Variants in SART1 observed in about 807,000 individuals in gnomAD.
The protein encoded by SART1 is spliceosome associated factor 1, recruiter of U4/U6.U5 tri-snRNP.
SART1 carries 28 observed loss-of-function variants against 105.0 expected under a neutral mutation model. That is an observed-to-expected ratio of 0.27 (90% confidence interval 0.20 to 0.37). SART1 has a LOEUF of 0.37. SART1 is among the 10% of genes least tolerant of loss of function. The pLI is 1.00. For synonymous variants in SART1, 472 were observed against 462.9 expected (o/e 1.02, Z -0.25); for missense variants, 894 against 1,106.5 (o/e 0.81, Z 2.72).
intron 1 of SART1, among the ~76,000 whole-genome samples, chr11:65,963,318 C>A (rs1360923663): frequency 1.3e-5 from 2 of 151,904 alleles, no homozygotes; most frequent in East Asian, 3.9e-4. Context: ...TCAAGCAAAA[C>A]CAGAACCGAA....
Position 65,979,172 on chromosome 11 carries a change from A to G in SART1, c.*142A>G. 9.4e-7 allele frequency: 1 copy of G among 1,060,596 alleles called. No homozygotes were observed. Among genetic ancestry groups the G allele is most frequent in the Non-Finnish European group, 1.4e-6 (1 of 714,970 alleles). 65.7% of individuals were successfully genotyped at this position (1,060,596 alleles called of 1,614,324 possible). A position where few individuals can be genotyped will look rare whatever the true frequency, so the allele number is the denominator to read the frequency against. ...CACAGAGTCTGGCTCCTGCTAGGTG[A>G]GACCTGGCCATCAAATGACACAAAC... On this transcript the variant is annotated 3_prime_UTR_variant, in exon 20 of 20. Coordinates refer to ENST00000312397, the MANE Select transcript of SART1 (RefSeq NM_005146.5).
chr11:65,978,588 C>T lies in SART1; in HGVS notation c.2173-12C>T. ...AGGGCCCTGCATCTCCTCTCATGCC[C>T]CGCGTCCCCAGGCTTTCCGGCAGCT... On this transcript the variant is annotated splice_polypyrimidine_tract_variant and intron_variant, in intron 17 of 19. Transcript: ENST00000312397. The surrounding 1 kb of genome is among the most constrained non-coding windows in gnomAD (Gnocchi z 6.8). 6.4e-7 allele frequency: 1 copy of T among 1,554,002 alleles called. No homozygotes were observed. Among genetic ancestry groups the T allele is most frequent in the Non-Finnish European group, 8.7e-7 (1 of 1,148,662 alleles).
intron 12 of SART1, among the ~76,000 whole-genome samples, chr11:65,973,058 C>T (rs1003261045): frequency 2.6e-5 from 4 of 151,946 alleles, no homozygotes; most frequent in Admixed American, 2.0e-4. Context: ...CCTGTAGTCC[C>T]AGCTACTAGG....
chr11:65,978,051 G>A lies in SART1; in HGVS notation c.2172+152G>A. On this transcript the variant is annotated intron_variant, in intron 17 of 19. Coordinates refer to ENST00000312397, the MANE Select transcript of SART1 (RefSeq NM_005146.5). This position sits in a 1 kb window ranked among gnomAD's most constrained non-coding sequence, Gnocchi z 6.8. ...GGTGAATGCCACGGATGGGGAGGGG[G>A]CCCTCAGGGCTGAGGAAGGCTGTGC... The A allele has an allele frequency of 1.3e-6, 1 of 775,586 alleles. No individual in the cohort carries two copies. 48.0% of individuals were successfully genotyped at this position (775,586 alleles called of 1,614,324 possible). A position where few individuals can be genotyped will look rare whatever the true frequency, so the allele number is the denominator to read the frequency against.
At chr11:65,963,137 G>A (rs1352053435) in intron 1 of SART1, among the ~76,000 whole-genome samples, 1 of 152,074 alleles carries the variant, frequency 6.6e-6, no homozygotes, top group Admixed American at 6.6e-5. Context: ...AGGGGGTCAG[G>A]ACTAGAACCT....
chr11:65,978,417 G>A lies in SART1; in HGVS notation c.2173-183G>A, dbSNP rs140955513. ...CATCCACTAGCCAAGCTGGTCTCCC[G>A]GCCTCTGCTGGGGCCCTGCAGGGTG... On this transcript the variant is annotated intron_variant, in intron 17 of 19. Transcript: ENST00000312397. This position sits in a 1 kb window ranked among gnomAD's most constrained non-coding sequence, Gnocchi z 6.8. 2.7e-3 allele frequency: 1,686 copies of A among 619,206 alleles called. 11 individuals are homozygous for A. The highest frequency in any genetic ancestry group is 0.021 in the African/African-American group (1,158 of 54,538). 38.4% of individuals were successfully genotyped at this position (619,206 alleles called of 1,614,324 possible).
Position 65,965,354 on chromosome 11 carries a change from C to T in SART1, c.567C>T (p.Thr189=). The T allele has an allele frequency of 1.9e-6, 3 of 1,591,728 alleles. No individual in the cohort carries two copies. The highest frequency in any genetic ancestry group is 1.8e-5 in the Admixed American group (1 of 56,454). ...TTCCCCTCTTCAGGAAGATAAAGACCCTAGGAGAGGATGACCCCTGGCTGG... is the reference window on the plus strand; with the variant it reads ...TTCCCCTCTTCAGGAAGATAAAGACTCTAGGAGAGGATGACCCCTGGCTGG... ...LLNQKLGKIK[T]LGEDDPWLDD... Residue 189 remains threonine (T), a synonymous_variant, in exon 5 of 20, where the codon ACC becomes ACT. Coordinates refer to ENST00000312397, the MANE Select transcript of SART1 (RefSeq NM_005146.5).
At position 65,978,253 on chromosome 11, in the gene SART1, C is replaced by G; in HGVS notation, c.2173-347C>G. On this transcript the variant is annotated intron_variant, in intron 17 of 19. Transcript: ENST00000312397. This position sits in a 1 kb window ranked among gnomAD's most constrained non-coding sequence, Gnocchi z 6.8. ...TCCAGCACTCTCGTAGGCCGCCCGA[C>G]CGTCCTGCCCTACCACTCAGCTGCC... The G allele has an allele frequency of 2.0e-6, 1 of 500,134 alleles. No homozygotes were observed. The highest frequency in any genetic ancestry group is 2.2e-5 in the South Asian group (1 of 45,856). 31.0% of individuals were successfully genotyped at this position (500,134 alleles called of 1,614,324 possible).
In SART1 at chr11:65,965,342, G is replaced by A. The variant is rs1266345854; in HGVS notation, c.555G>A (p.Gly185=). 6.3e-7 allele frequency: 1 copy of A among 1,592,888 alleles called. No individual in the cohort carries two copies. The highest frequency in any genetic ancestry group is 1.8e-5 in the Admixed American group (1 of 56,486). ...KEKRLLNQKL[G]KIKTLGEDDP... is the part of the protein sequence containing the mutation. ...GAGCATCACTTTTTCCCCTCTTCAGGAAGATAAAGACCCTAGGAGAGGATG... is the reference window on the plus strand; with the variant it reads ...GAGCATCACTTTTTCCCCTCTTCAGAAAGATAAAGACCCTAGGAGAGGATG... Residue 185 remains glycine, a splice_region_variant and synonymous_variant, in exon 5 of 20, where the codon GGG becomes GGA. Coordinates refer to ENST00000312397, the MANE Select transcript of SART1 (RefSeq NM_005146.5).
intron 15 of SART1, 91 bp from the exon 16 acceptor site, chr11:65,977,472 G>A (rs2134923180): frequency 9.6e-7 from 1 of 1,046,928 alleles, no homozygotes; most frequent in Non-Finnish European, 1.5e-6. Context: ...GGAAAGGGAG[G>A]TGCCCCCACA....
chr11:65,970,687 A>G (rs1386585303), intron 12 of SART1, among the ~76,000 whole-genome samples: 2 of 150,358 alleles, frequency 1.3e-5, no homozygotes, highest in African/African-American at 4.9e-5. Context: ...TGTTCTGGAG[A>G]GTGGAGAGCA....
chr11:65,961,780 T>C lies in SART1; in HGVS notation c.-1T>C. 1 of 1,532,020 alleles carries C rather than the reference T, an allele frequency of 6.5e-7. No individual in the cohort carries two copies. Among genetic ancestry groups the C allele is most frequent in the Non-Finnish European group, 8.7e-7 (1 of 1,147,468 alleles). 94.9% of individuals were successfully genotyped at this position (1,532,020 alleles called of 1,614,324 possible). On this transcript the variant is annotated 5_prime_UTR_variant, in exon 1 of 20. Coordinates refer to ENST00000312397, the MANE Select transcript of SART1 (RefSeq NM_005146.5). ...GCCGGGCTCGGAGTGGACGTGCCAC[T>C]ATGGGGTCGTCCAAGAAGCATCGCG...
At position 65,976,393 on chromosome 11, in the gene SART1, A is replaced by AGGT. The variant is rs1293541657; in HGVS notation, c.1577_1579dup. On this transcript the variant is annotated splice_acceptor_variant, in intron 12 of 19. Coordinates refer to ENST00000312397, the MANE Select transcript of SART1 (RefSeq NM_005146.5). LOFTEE classifies it high-confidence loss of function. The surrounding 1 kb of genome is among the most constrained non-coding windows in gnomAD (Gnocchi z 5.1). ...TTTGCCCACAGCCGCTCCCTCCCCC[A>AGGT]GGTGGTGGAGATTGTGAAGAAGCTG... The AGGT allele has an allele frequency of 6.5e-7, 1 of 1,534,788 alleles. No individual in the cohort carries two copies. Among genetic ancestry groups the AGGT allele is most frequent in the African/African-American group, 1.4e-5 (1 of 72,154 alleles).
rs1855442037 is a variant in SART1, at chr11:65,974,393, C to CAAAA, written c.1573-2001_1573-2000insAAAA. On this transcript the variant is annotated intron_variant, in intron 12 of 19. Coordinates refer to ENST00000312397, the MANE Select transcript of SART1 (RefSeq NM_005146.5). ...TCTCAAAAAAAAAAAAAAAAAAAAC[C>CAAAA]ATATCAGCCGGGTGTGGTGGTTCAC... 8.4e-4 allele frequency among the ~76,000 whole-genome samples: 74 copies of CAAAA among 87,952 alleles called. 2 individuals carry two copies. Among genetic ancestry groups the CAAAA allele is most frequent in the Admixed American group, 1.5e-3 (10 of 6,886 alleles). The allele number at this position is 87,952 out of a possible 152,430, so 57.7% of individuals were successfully genotyped here.
intron 1 of SART1, 31 bp downstream of exon 1, chr11:65,962,124 G>GCC: frequency 9.0e-7 from 1 of 1,113,052 alleles, no homozygotes. Flanking sequence ...CAGGGGGCGG[G>GCC]TCGGGCGGGG....
intron 12 of SART1, among the ~76,000 whole-genome samples, chr11:65,975,101 CTT>C (rs549348095): frequency 5.0e-4 from 64 of 128,038 alleles, no homozygotes; most frequent in Admixed American, 8.7e-4. Flanking sequence ...TCCTGGAAGA[CTT>C]TTTTTTTTTT....
At position 65,965,682 on chromosome 11, in the gene SART1, C is replaced by A; in HGVS notation, c.661-20C>A. On this transcript the variant is annotated intron_variant, in intron 5 of 19. Transcript: ENST00000312397. ...TGCTGAGTGGCCTGAAGTCCTAGGT[C>A]ACCCCTCCCTGTCCCGTAGGCCAAG... is the stretch of plus-strand genomic sequence containing the variant. 2 of 1,609,546 alleles carry A rather than the reference C, an allele frequency of 1.2e-6. No individual in the cohort carries two copies. Among genetic ancestry groups the A allele is most frequent in the South Asian group, 2.2e-5 (2 of 90,464 alleles).
intron 12 of SART1, among the ~76,000 whole-genome samples, chr11:65,972,785 CA>C (rs563046172): frequency 0.025 from 2,613 of 105,898 alleles, 33 homozygotes; most frequent in South Asian, 0.036. Flanking sequence ...GATCCTGTCT[CA>C]AAAAAAAAAA....
intron 12 of SART1, among the ~76,000 whole-genome samples, chr11:65,972,995 C>T (rs1190083206): frequency 1.3e-5 from 2 of 151,972 alleles, no homozygotes; most frequent in African/African-American, 4.8e-5. Context: ...ACAGTGAAAC[C>T]CTGTCTCTAC....
Sources: gnomAD v4.1 joint callset for allele counts (sites outside exome capture counted in the v4.1 genomes callset) on GRCh38, gnomAD v4.1.1 for gene constraint, Gnocchi (gnomAD v3.1) non-coding constraint, MANE v1.5 for transcripts, NCBI Gene and HGNC (gene_info 2026-07-23, HGNC 2026-07-21) for gene names.